TNKS: variants seen among roughly 807,000 people sequenced by gnomAD.
TNKS encodes the protein poly [ADP-ribose] polymerase tankyrase-1.
A neutral mutation model predicts 135.8 loss-of-function variants in TNKS; 72 were observed. That is an observed-to-expected ratio of 0.53 (90% confidence interval 0.44 to 0.64). The LOEUF (loss-of-function observed/expected upper bound fraction) is 0.64, where lower values mean the gene tolerates loss of function less well. Ranked by LOEUF, TNKS falls within the 30% of genes least tolerant of loss-of-function variation. TNKS has a pLI of 0.00. For missense variants in TNKS, 1,769 were observed against 1,674.0 expected (o/e 1.06, Z -0.99); for synonymous variants, 849 against 649.3 (o/e 1.31, Z -4.68).
intron 3 of TNKS, among the ~76,000 whole-genome samples, chr8:9,674,545 C>A (rs1802452989): frequency 6.6e-6 from 1 of 152,322 alleles, no homozygotes. Flanking sequence ...TTCAGCTCTT[C>A]TGGTGAATGG....
At chr8:9,629,405 CT>C (rs1800196378) in intron 3 of TNKS, among the ~76,000 whole-genome samples, 1 of 152,302 alleles carries the variant, frequency 6.6e-6, no homozygotes, top group South Asian at 2.1e-4. Context: ...AAAATGTTAA[CT>C]AGTTTATTTC....
intron 3 of TNKS, among the ~76,000 whole-genome samples, chr8:9,654,882 A>G (rs1801289225): frequency 6.6e-6 from 1 of 152,116 alleles, no homozygotes. Flanking sequence ...CTCACTGGGG[A>G]GTGCCGGACA....
intron 26 of TNKS, among the ~76,000 whole-genome samples, chr8:9,770,668 C>G (rs1807776328): frequency 1.3e-5 from 2 of 152,124 alleles, no homozygotes; most frequent in African/African-American, 4.8e-5. Flanking sequence ...TGTAAGTGAA[C>G]TTCAAATGAA....
chr8:9,576,024 CTGTAGAAGG>C (rs1797931907), intron 1 of TNKS, among the ~76,000 whole-genome samples: 3 of 152,240 alleles, frequency 2.0e-5, no homozygotes, highest in East Asian at 1.9e-4. Flanking sequence ...CCCACACCTT[CTGTAGAAGG>C]TGTAGAAGAG....
rs1808409891 is a variant in TNKS, at chr8:9,780,446, A to C, written c.*3710A>C. 6.6e-6 allele frequency: 1 copy of C among 152,234 alleles called. No homozygotes were observed. Among genetic ancestry groups the C allele is most frequent in the African/African-American group, 2.4e-5 (1 of 41,470 alleles). 9.4% of individuals were successfully genotyped at this position (152,234 alleles called of 1,614,324 possible). The stretch of plus-strand genomic sequence containing the variant: ...GATTTCATGTCAGATACGTATTTAA[A>C]GAGTAAAGTCAAATTTGTTTAATGT... On this transcript the variant is annotated 3_prime_UTR_variant, in exon 27 of 27. Coordinates refer to ENST00000310430, the MANE Select transcript of TNKS (RefSeq NM_003747.3).
intron 17 of TNKS, among the ~76,000 whole-genome samples, chr8:9,745,385 T>C (rs1202441072): frequency 6.6e-6 from 1 of 152,170 alleles, no homozygotes; most frequent in African/African-American, 2.4e-5. Flanking sequence ...TTATTTATTT[T>C]ATTTTTTGTT....
At chr8:9,657,924 C>T (rs1442717544) in intron 3 of TNKS, among the ~76,000 whole-genome samples, 97 of 67,358 alleles carry the variant, frequency 1.4e-3, no homozygotes, top group South Asian at 5.1e-3. Context: ...ACTTCTCAGA[C>T]GGGGCGGCCG....
Position 9,616,711 on chromosome 8 carries a change from T to A in TNKS, c.994+1034T>A, listed in dbSNP as rs982353314. On this transcript the variant is annotated intron_variant, in intron 3 of 26. Transcript: ENST00000310430. Reference sequence around the variant, plus strand: ...ACTGTGCTAAAATCAATATAATTATTGCTCAGAGTAATATGACTTTTCTCA... The same window carrying A: ...ACTGTGCTAAAATCAATATAATTATAGCTCAGAGTAATATGACTTTTCTCA... 3.9e-5 allele frequency among the ~76,000 whole-genome samples: 6 copies of A among 152,192 alleles called. No homozygotes were observed. The East Asian group carries it at 1.2e-3, about 29-fold the overall frequency.
intron 3 of TNKS, among the ~76,000 whole-genome samples, chr8:9,652,549 TTTC>T (rs1801185215): frequency 6.6e-6 from 1 of 152,304 alleles, no homozygotes; most frequent in African/African-American, 2.4e-5. Flanking sequence ...TAAAATATGT[TTTC>T]TTATAAAGTT....
rs551357851 is a variant in TNKS, at chr8:9,605,823, C to G, written c.899-9759C>G. On this transcript the variant is annotated intron_variant, in intron 2 of 26. Transcript: ENST00000310430. ...TTTTAATGATTGATTTGTAGAAGTT[C>G]TTTCTCTAATCTAGAAGAGTTTTTT... 2.8e-4 allele frequency among the ~76,000 whole-genome samples: 42 copies of G among 152,058 alleles called. 1 individual carries two copies. The South Asian group carries it at 8.3e-3, about 30-fold the overall frequency.
chr8:9,761,584 G>C lies in TNKS; in HGVS notation c.3222G>C (p.Gly1074=). The change falls in exon 21 of 27, where the codon GGG becomes GGC. Residue 1074 remains glycine, a synonymous_variant. Transcript: ENST00000310430. ...ELKEIGINAY[G]HRHKLIKGVE... ...AAGAAATAGGCATCAATGCATATGG[G>C]CACCGCCACAAATTAATCAAAGGAG... is the stretch of plus-strand genomic sequence containing the variant. The C allele has an allele frequency of 2.5e-6, 4 of 1,607,538 alleles. No individual in the cohort carries two copies. Among genetic ancestry groups the C allele is most frequent in the Non-Finnish European group, 3.4e-6 (4 of 1,178,386 alleles).
intron 20 of TNKS, among the ~76,000 whole-genome samples, chr8:9,758,368 T>C (rs560789057): frequency 6.7e-6 from 1 of 149,336 alleles, no homozygotes; most frequent in South Asian, 2.2e-4. Flanking sequence ...ATCTCTTCTA[T>C]CCTTCAGGAT....
chr8:9,761,470 T>C (rs1807144724), intron 20 of TNKS, 46 bp from the exon 21 acceptor site: 1 of 1,603,448 alleles, frequency 6.2e-7, no homozygotes, highest in Non-Finnish European at 8.5e-7. Flanking sequence ...TTTGTCCTCT[T>C]AAGAACTGTT....
At chr8:9,752,736 C>A (rs551699603) in intron 20 of TNKS, 110 bp downstream of exon 20, 4 of 688,200 alleles carry the variant, frequency 5.8e-6, no homozygotes, top group Non-Finnish European at 9.2e-6. Context: ...GGCAGGATTG[C>A]TTGAGCCCAG....
At position 9,680,654 on chromosome 8, in the gene TNKS, A is replaced by G. The variant is rs531637214; in HGVS notation, c.1032-71A>G. ...CAAACCCATATTTTACTCTCGTGTG[A>G]AAAAATTATGCATAAATATTCATAA... On this transcript the variant is annotated intron_variant, in intron 4 of 26. Transcript: ENST00000310430. 1.5e-3 allele frequency: 1,684 copies of G among 1,101,826 alleles called. 4 individuals carry two copies. Among genetic ancestry groups the G allele is most frequent in the Middle Eastern group, 7.6e-3 (36 of 4,744 alleles). 68.3% of individuals were successfully genotyped at this position (1,101,826 alleles called of 1,614,324 possible).
intron 18 of TNKS, among the ~76,000 whole-genome samples, chr8:9,749,767 A>T (rs1806423331): frequency 6.6e-6 from 1 of 151,956 alleles, no homozygotes; most frequent in African/African-American, 2.4e-5. Context: ...ACAGGTGTGA[A>T]CCACTGTACA....
At chr8:9,710,662 C>G (rs987360272) in intron 11 of TNKS, among the ~76,000 whole-genome samples, 1 of 152,026 alleles carries the variant, frequency 6.6e-6, no homozygotes, top group Non-Finnish European at 1.5e-5. Context: ...TTTGGGAGGC[C>G]GAGGCAGGTG....
chr8:9,734,842 C>T (rs1196428345), intron 15 of TNKS, 23 bp from the exon 16 acceptor site: 4 of 1,595,090 alleles, frequency 2.5e-6, no homozygotes, highest in South Asian at 1.1e-5. Context: ...ATACAAACCC[C>T]ATTTGGTTTT....
chr8:9,768,443 C>G (rs1168479630), intron 25 of TNKS, among the ~76,000 whole-genome samples: 2 of 152,224 alleles, frequency 1.3e-5, no homozygotes, highest in Non-Finnish European at 2.9e-5. Flanking sequence ...TGGCTCCTGT[C>G]TTGCATTTGT....
Sources: gnomAD v4.1 joint callset for allele counts (sites outside exome capture counted in the v4.1 genomes callset) on GRCh38, gnomAD v4.1.1 for gene constraint, MANE v1.5 for transcripts, NCBI Gene and HGNC (gene_info 2026-07-23, HGNC 2026-07-21) for gene names.